The following ST3GAL1 variants were observed in gnomAD, a reference collection of about 807,000 sequenced individuals.
ST3GAL1 encodes ST3 beta-galactoside alpha-2,3-sialyltransferase 1, also known as CMP-N-acetylneuraminate-beta-galactosamide-alpha-2,3-sialyltransferase 1.
Under a neutral mutation model 34.1 loss-of-function variants are expected in ST3GAL1, and 16 were observed. The ratio of observed to expected loss-of-function variants is 0.47; its 90% confidence interval spans 0.32 to 0.71. ST3GAL1 has a LOEUF of 0.71. Among genes scored for constraint, ST3GAL1 ranks in the 30% least tolerant of loss-of-function variants. The pLI, the probability that ST3GAL1 is intolerant of heterozygous loss-of-function variation, is 0.04. For synonymous variants in ST3GAL1, 191 were observed against 184.7 expected (o/e 1.03, Z -0.28); for missense variants, 353 against 447.4 (o/e 0.79, Z 1.90).
At chr8:133,563,164 C>A (rs1819297062) in intron 1 of ST3GAL1, among the ~76,000 whole-genome samples, 1 of 152,074 alleles carries the variant, frequency 6.6e-6, no homozygotes, top group Admixed American at 6.6e-5. Context: ...ACAGTGCTAT[C>A]TATTGCATTT....
At chr8:133,522,233 G>C (rs58645368) in intron 2 of ST3GAL1, among the ~76,000 whole-genome samples, 4,112 of 152,232 alleles carry the variant, frequency 0.027, 117 homozygotes, top group African/African-American at 0.075. Context: ...CTAGCAGGAA[G>C]GAAAGTTCAG....
Position 133,517,753 on chromosome 8 carries a change from C to T in ST3GAL1, c.-428-18564G>A, listed in dbSNP as rs1422137402. 2.6e-5 allele frequency among the ~76,000 whole-genome samples: 4 copies of T among 152,208 alleles called. No individual in the cohort carries two copies. In the East Asian group the frequency reaches 7.7e-4, roughly 29 times the overall value. ...GTTTCCCAACCTGTCAAATACTGGG[C>T]TAAATCAGAGGTATGAAAACAATTG... On this transcript the variant is annotated intron_variant, in intron 2 of 9. Transcript: ENST00000522652.
intron 2 of ST3GAL1, among the ~76,000 whole-genome samples, chr8:133,542,117 G>T (rs200182381): frequency 6.7e-6 from 1 of 149,584 alleles, no homozygotes; most frequent in East Asian, 2.0e-4. Context: ...ACACACCCAC[G>T]CACACACAGA....
At chr8:133,493,240 C>G (rs1425981472) in intron 3 of ST3GAL1, among the ~76,000 whole-genome samples, 2 of 152,242 alleles carry the variant, frequency 1.3e-5, no homozygotes, top group Admixed American at 6.5e-5. Context: ...TTAAAACACA[C>G]AAGTCTCATT....
At chr8:133,502,610 C>T (rs1206913776) in intron 2 of ST3GAL1, among the ~76,000 whole-genome samples, 4 of 152,136 alleles carry the variant, frequency 2.6e-5, no homozygotes, top group Admixed American at 6.6e-5. Context: ...AAATTTCTGT[C>T]GTTTAAGCTA....
At chr8:133,566,235 G>A (rs1819396552) in intron 1 of ST3GAL1, among the ~76,000 whole-genome samples, 1 of 152,202 alleles carries the variant, frequency 6.6e-6, no homozygotes, top group African/African-American at 2.4e-5. Context: ...AGGAATGAGA[G>A]GAGCATGCTC....
intron 1 of ST3GAL1, among the ~76,000 whole-genome samples, chr8:133,552,263 C>A (rs1818885471): frequency 6.6e-6 from 1 of 152,188 alleles, no homozygotes; most frequent in African/African-American, 2.4e-5. Context: ...CGGGACATGA[C>A]ACTGACGGAG....
intron 8 of ST3GAL1, among the ~76,000 whole-genome samples, chr8:133,463,138 G>A (rs1163945340): frequency 6.6e-6 from 1 of 152,222 alleles, no homozygotes; most frequent in African/African-American, 2.4e-5. Flanking sequence ...CAGAATGCGG[G>A]GCAGCCAGGG....
At chr8:133,547,800 T>C (rs1035038981) in intron 1 of ST3GAL1, among the ~76,000 whole-genome samples, 9 of 152,240 alleles carry the variant, frequency 5.9e-5, no homozygotes, top group African/African-American at 2.2e-4. Flanking sequence ...GCAATGGTGA[T>C]ACATGAGGAT....
intron 1 of ST3GAL1, among the ~76,000 whole-genome samples, chr8:133,549,728 C>G (rs956510118): frequency 6.6e-6 from 1 of 152,100 alleles, no homozygotes; most frequent in African/African-American, 2.4e-5. Flanking sequence ...TTTGGGAGGC[C>G]GAGGTGGGCA....
rs150007308 is a variant in ST3GAL1, at chr8:133,496,472, C to T, written c.-374+2663G>A. On this transcript the variant is annotated intron_variant, in intron 3 of 9. Transcript: ENST00000522652. ...ATCAAAGGGGAGCTGACAGAAGCCC[C>T]GTCCCCATGCCTGGCTACTACCTGC... Among the ~76,000 whole-genome samples, 410 of 152,288 alleles carry T rather than the reference C, an allele frequency of 2.7e-3. 2 individuals carry two copies. The highest frequency in any genetic ancestry group is 9.6e-3 in the African/African-American group (399 of 41,548).
chr8:133,537,505 A>C (rs954330169), intron 2 of ST3GAL1, among the ~76,000 whole-genome samples: 3 of 152,176 alleles, frequency 2.0e-5, no homozygotes, highest in African/African-American at 7.2e-5. Flanking sequence ...TTATCACAAA[A>C]GGCTGTAACA....
chr8:133,517,728 G>A (rs1001386713), intron 2 of ST3GAL1, among the ~76,000 whole-genome samples: 1 of 152,212 alleles, frequency 6.6e-6, no homozygotes, highest in Non-Finnish European at 1.5e-5. Flanking sequence ...CTGAGCCTCA[G>A]TTTCCCAACC....
chr8:133,461,915 C>G lies in ST3GAL1; in HGVS notation c.809G>C (p.Gly270Ala), dbSNP rs756483161. ...CATTGAGAAGATGACCGAGAGGATG[C>G]CGGTAGATGGGTATCGCCCGTGCCC... ...LQGHGRYPSTGILSVIFSMHV... is the reference protein window; with the variant it reads ...LQGHGRYPSTAILSVIFSMHV... The change falls in exon 9 of 10, where the codon GGC becomes GCC. Residue 270 changes from glycine to alanine, a missense_variant. By Grantham distance (60) the Gly-to-Ala change is moderately conservative (BLOSUM62 0). Transcript: ENST00000522652. The surrounding 1 kb of genome is among the most constrained non-coding windows in gnomAD (Gnocchi z 4.7). 1 of 1,614,164 alleles carries G rather than the reference C, an allele frequency of 6.2e-7. No individual in the cohort carries two copies. The highest frequency in any genetic ancestry group is 1.1e-5 in the South Asian group (1 of 91,080).
At chr8:133,490,138 T>A (rs181980159) in intron 3 of ST3GAL1, among the ~76,000 whole-genome samples, 2 of 152,252 alleles carry the variant, frequency 1.3e-5, no homozygotes, top group Non-Finnish European at 2.9e-5. Flanking sequence ...CTACGCAGTA[T>A]TTTAGGGACT....
chr8:133,463,489 T>C (rs2130919000), intron 7 of ST3GAL1, 30 bp from the exon 8 acceptor site: 1 of 1,613,088 alleles, frequency 6.2e-7, no homozygotes. Context: ...AGCTGGTTAA[T>C]GGGGCAGGGG....
intron 2 of ST3GAL1, among the ~76,000 whole-genome samples, chr8:133,539,131 C>T (rs1818390635): frequency 6.6e-6 from 1 of 152,198 alleles, no homozygotes; most frequent in South Asian, 2.1e-4. Context: ...AGAATGCAGT[C>T]CCTGATGTGG....
At chr8:133,478,670 C>T (rs970691576) in intron 3 of ST3GAL1, among the ~76,000 whole-genome samples, 1 of 152,210 alleles carries the variant, frequency 6.6e-6, no homozygotes, top group Non-Finnish European at 1.5e-5. Context: ...GCCGATGGCT[C>T]TTACTCATTC....
rs148627137 is a variant in ST3GAL1, at chr8:133,460,064, A to G, written c.850-127T>C. 5.1e-4 allele frequency: 509 copies of G among 993,084 alleles called. 1 individual carries two copies. The highest frequency in any genetic ancestry group is 2.7e-3 in the African/African-American group (161 of 59,866). 61.5% of individuals were successfully genotyped at this position (993,084 alleles called of 1,614,324 possible). On this transcript the variant is annotated intron_variant, in intron 9 of 9. Coordinates refer to ENST00000522652, the MANE Select transcript of ST3GAL1 (RefSeq NM_173344.3). ...AACAGCATTTCCAAGGACTCTGACT[A>G]ACCCTTCATTAAAAACCCTTCTCTA...
Sources: gnomAD v4.1 joint callset for allele counts (sites outside exome capture counted in the v4.1 genomes callset) on GRCh38, gnomAD v4.1.1 for gene constraint, Gnocchi (gnomAD v3.1) non-coding constraint, MANE v1.5 for transcripts, NCBI Gene and HGNC (gene_info 2026-07-23, HGNC 2026-07-21) for gene names.